The following TRAF3IP3 variants were observed in gnomAD, a reference collection of about 807,000 sequenced individuals.
The protein encoded by TRAF3IP3 is TRAF3 interacting protein 3.
In TRAF3IP3, 64 loss-of-function variants were observed where a neutral mutation model predicts 86.5. That is an observed-to-expected ratio of 0.74 (90% confidence interval 0.60 to 0.91). The LOEUF (loss-of-function observed/expected upper bound fraction) is 0.91. Ranked by LOEUF, TRAF3IP3 falls within the 40% of genes least tolerant of loss-of-function variation. The pLI is 0.00. For synonymous variants in TRAF3IP3, 220 were observed against 243.9 expected (o/e 0.90, Z 0.91); for missense variants, 579 against 642.9 (o/e 0.90, Z 1.07).
intron 7 of TRAF3IP3, 49 bp downstream of exon 7, chr1:209,763,441 C>G (rs772429358): frequency 6.2e-7 from 1 of 1,612,818 alleles, no homozygotes; most frequent in South Asian, 1.1e-5. Flanking sequence ...CACTTACCCC[C>G]GATCCTCCAG....
chr1:209,756,953 C>T (rs941858206), intron 1 of TRAF3IP3, among the ~76,000 whole-genome samples: 3 of 152,208 alleles, frequency 2.0e-5, no homozygotes, highest in Admixed American at 6.5e-5. Context: ...TGCCAGAAAG[C>T]CTGGGCAGTG....
At chr1:209,758,379 A>T (rs1001944322) in intron 1 of TRAF3IP3, 1 of 152,152 alleles carries the variant, frequency 6.6e-6, no homozygotes, top group African/African-American at 2.4e-5. Context: ...AACCCTCAAG[A>T]GTCAGGCATT....
In TRAF3IP3 at chr1:209,780,520, C is replaced by A; in HGVS notation, c.1363C>A (p.Pro455Thr). 1 of 1,602,926 alleles carries A rather than the reference C, an allele frequency of 6.2e-7. No individual in the cohort carries two copies. Among genetic ancestry groups the A allele is most frequent in the Non-Finnish European group, 8.5e-7 (1 of 1,174,434 alleles). ...SPKSFPNEVE[P>T]EGTGKEKDWD... Reference sequence around the variant, plus strand: ...AAAGTCCTTCCCTAACGAAGTGGAGCCTGAGGGTACAGGGAAGGAGAAAGA... The same window carrying A: ...AAAGTCCTTCCCTAACGAAGTGGAGACTGAGGGTACAGGGAAGGAGAAAGA... The change falls in exon 15 of 17, where the codon CCT becomes ACT. Residue 455 changes from proline (P) to threonine (T), a missense_variant. Coordinates refer to ENST00000367025, the MANE Select transcript of TRAF3IP3 (RefSeq NM_025228.4).
chr1:209,768,369 A>G, intron 8 of TRAF3IP3: 1 of 985,448 alleles, frequency 1.0e-6, no homozygotes, highest in Non-Finnish European at 1.2e-6. Flanking sequence ...GGAGGGTCCA[A>G]CCTTCAGGGC....
Position 209,773,498 on chromosome 1 carries a change from T to A in TRAF3IP3, c.774+479T>A, listed in dbSNP as rs1445638750. Among the ~76,000 whole-genome samples the A allele has an allele frequency of 2.0e-5, 3 of 152,270 alleles. No homozygotes were observed. In the East Asian group the frequency reaches 5.8e-4, roughly 29 times the overall value. ...TAAAAGCTCTTTTACTTGGCTCTTC[T>A]GTAACACCATTTTCCAGCATTAGTA... On this transcript the variant is annotated intron_variant, in intron 9 of 16. Transcript: ENST00000367025.
chr1:209,771,983 G>GTGTGTGCAGGTGGAGGTGTA (rs2077550897), intron 8 of TRAF3IP3, among the ~76,000 whole-genome samples: 1 of 145,732 alleles, frequency 6.9e-6, no homozygotes, highest in East Asian at 2.2e-4. Context: ...GTGGAGGTAC[G>GTGTGTGCAGGTGGAGGTGTA]TGTGTGCAGG....
chr1:209,764,954 C>T (rs1396204541), intron 8 of TRAF3IP3, among the ~76,000 whole-genome samples: 1 of 152,192 alleles, frequency 6.6e-6, no homozygotes, highest in East Asian at 1.9e-4. Flanking sequence ...GCAGGAAGAT[C>T]ACCTGAGGTC....
rs2077689885 is a variant in TRAF3IP3, at chr1:209,777,793, T to G, written c.1189+306T>G. ...CATATGTCAAGGCCACAGTCCTAATTTGAAAGGGAAAGGTCAGTTGAAACA... is the reference window on the plus strand; with the variant it reads ...CATATGTCAAGGCCACAGTCCTAATGTGAAAGGGAAAGGTCAGTTGAAACA... On this transcript the variant is annotated intron_variant, in intron 12 of 16. Coordinates refer to ENST00000367025, the MANE Select transcript of TRAF3IP3 (RefSeq NM_025228.4). 1.4e-5 allele frequency: 7 copies of G among 508,708 alleles called. No individual in the cohort carries two copies. The Admixed American group carries it at 2.2e-4, about 16-fold the overall frequency. 31.5% of individuals were successfully genotyped at this position (508,708 alleles called of 1,614,324 possible).
At chr1:209,760,550 C>A (rs2102430868) in intron 3 of TRAF3IP3, among the ~76,000 whole-genome samples, 166 bp downstream of exon 3, 1 of 152,286 alleles carries the variant, frequency 6.6e-6, no homozygotes, top group African/African-American at 2.4e-5. Flanking sequence ...CCAACAGCTA[C>A]TTATTCAGAG....
In TRAF3IP3 at chr1:209,773,012, G is replaced by A; in HGVS notation, c.767G>A (p.Cys256Tyr). The stretch of plus-strand genomic sequence containing the variant: ...TCCTTAGAAAACCAGCTATACACCT[G>A]TACCCAGGTAAGCATTCTGAAGGAT... Reference protein sequence around the residue: ...LRSLENQLYTCTQKYSPWGMK... With the variant: ...LRSLENQLYTYTQKYSPWGMK... The change falls in exon 9 of 17, where the codon TGT becomes TAT. Residue 256 changes from cysteine to tyrosine, a missense_variant. Cys to Tyr is a radical substitution (Grantham distance 194). Transcript: ENST00000367025. The A allele has an allele frequency of 6.2e-7, 1 of 1,610,310 alleles. No individual in the cohort carries two copies.
At chr1:209,757,060 C>A (rs2077166400) in intron 1 of TRAF3IP3, among the ~76,000 whole-genome samples, 1 of 152,334 alleles carries the variant, frequency 6.6e-6, no homozygotes, top group African/African-American at 2.4e-5. Context: ...TGTTTTCAAG[C>A]AAGTCAGTAG....
chr1:209,780,706 T>A, intron 15 of TRAF3IP3, 100 bp downstream of exon 15: 1 of 1,170,076 alleles, frequency 8.5e-7, no homozygotes, highest in Non-Finnish European at 1.1e-6. Flanking sequence ...AAGTTGTGAG[T>A]GGATAACCAC....
intron 9 of TRAF3IP3, among the ~76,000 whole-genome samples, chr1:209,773,271 A>T (rs2077583744): frequency 6.6e-6 from 1 of 152,180 alleles, no homozygotes; most frequent in African/African-American, 2.4e-5. Flanking sequence ...AGCACTAACC[A>T]GTTTGTCAGC....
At chr1:209,773,862 A>G (rs2077597215) in intron 9 of TRAF3IP3, among the ~76,000 whole-genome samples, 2 of 152,334 alleles carry the variant, frequency 1.3e-5, no homozygotes, top group South Asian at 4.1e-4. Context: ...TCAATAGGGA[A>G]TAACACATAA....
At chr1:209,770,750 T>A in intron 8 of TRAF3IP3, among the ~76,000 whole-genome samples, 1 of 142,350 alleles carries the variant, frequency 7.0e-6, no homozygotes, top group South Asian at 2.4e-4. Context: ...GGTGTGCGTG[T>A]GCAGGTGGAG....
In TRAF3IP3 at chr1:209,782,261, A is replaced by C; in HGVS notation, c.*113A>C. The C allele has an allele frequency of 1.3e-6, 1 of 785,240 alleles. No homozygotes were observed. The highest frequency in any genetic ancestry group is 2.2e-6 in the Non-Finnish European group (1 of 459,270). 48.6% of individuals were successfully genotyped at this position (785,240 alleles called of 1,614,324 possible). Reference sequence around the variant, plus strand: ...TTTTCCAACTGACTTAGGATTTCTGACTTTTTATTAATTTCTTAACCTACT... The same window carrying C: ...TTTTCCAACTGACTTAGGATTTCTGCCTTTTTATTAATTTCTTAACCTACT... On this transcript the variant is annotated 3_prime_UTR_variant, in exon 17 of 17. Coordinates refer to ENST00000367025, the MANE Select transcript of TRAF3IP3 (RefSeq NM_025228.4).
chr1:209,772,614 G>T (rs1241083713), intron 8 of TRAF3IP3, among the ~76,000 whole-genome samples: 1 of 152,164 alleles, frequency 6.6e-6, no homozygotes, highest in Non-Finnish European at 1.5e-5. Context: ...GTGCAGAAGT[G>T]CCTAGACAGG....
chr1:209,762,967 C>G (rs1209748016), intron 5 of TRAF3IP3, 97 bp downstream of exon 5: 1 of 1,588,678 alleles, frequency 6.3e-7, no homozygotes, highest in Non-Finnish European at 8.6e-7. Context: ...AAAGAGGAAG[C>G]CCTTCCCCAC....
At chr1:209,765,639 C>T (rs1437216235) in intron 8 of TRAF3IP3, among the ~76,000 whole-genome samples, 4 of 152,094 alleles carry the variant, frequency 2.6e-5, no homozygotes, top group Non-Finnish European at 5.9e-5. Context: ...TGCATTCCAG[C>T]CTGGGCGATG....
Sources: allele counts gnomAD v4.1 joint callset (sites outside exome capture counted in the v4.1 genomes callset), GRCh38; gene constraint gnomAD v4.1.1; transcripts MANE v1.5; gene names NCBI Gene and HGNC (gene_info 2026-07-23, HGNC 2026-07-21).